PTPMT1: variants seen among roughly 807,000 people sequenced by gnomAD.
The protein encoded by PTPMT1 is protein tyrosine phosphatase mitochondrial 1, also known as phosphatidylglycerophosphatase and protein-tyrosine phosphatase 1.
In PTPMT1, 12 loss-of-function variants were observed where a neutral mutation model predicts 17.8. The observed-to-expected ratio is 0.67, with a 90% confidence interval of 0.43 to 1.09. PTPMT1 has a LOEUF of 1.09. Among genes scored for constraint, PTPMT1 ranks in the 50% least tolerant of loss-of-function variants. The pLI is 0.00. For synonymous variants in PTPMT1, 132 were observed against 116.8 expected, an observed-to-expected ratio of 1.13 and a Z score of -0.84; for missense variants, 262 against 266.0, an observed-to-expected ratio of 0.99 and a Z score of 0.10.
Position 47,573,395 on chromosome 11 carries a change from T to C in PTPMT1, c.*1766T>C, listed in dbSNP as rs2097253295. 1 of 1,614,106 alleles carries C rather than the reference T, an allele frequency of 6.2e-7. No homozygotes were observed. The highest frequency in any genetic ancestry group is 1.7e-5 in the Admixed American group (1 of 60,006). On this transcript the variant is annotated 3_prime_UTR_variant, in exon 4 of 4. Coordinates refer to ENST00000326674, the MANE Select transcript of PTPMT1 (RefSeq NM_175732.3). This position sits in a 1 kb window ranked among gnomAD's most constrained non-coding sequence, Gnocchi z 4.1. The stretch of plus-strand genomic sequence containing the variant: ...CAGCAGCCCCTGACACAGCCACCTC[T>C]AGCTGAGTTGTCTCTGTCCACACAT...
At chr11:47,570,409 C>CT (rs1156358499) in intron 3 of PTPMT1, among the ~76,000 whole-genome samples, 3 of 152,064 alleles carry the variant, frequency 2.0e-5, no homozygotes, top group Non-Finnish European at 4.4e-5. Flanking sequence ...TGACTTCTGC[C>CT]TTATGCAACA....
rs772635290 is a variant in PTPMT1 at position 47,573,207 on chromosome 11, A to T, written c.*1578A>T. On this transcript the variant is annotated 3_prime_UTR_variant, in exon 4 of 4. Transcript: ENST00000326674. The surrounding 1 kb of genome is among the most constrained non-coding windows in gnomAD (Gnocchi z 4.1). ...CACGATGAACACCAGATCTTTATGC[A>T]CAGCTGCGTGCATGCGGCCTGCAAA... 1.2e-6 allele frequency: 2 copies of T among 1,614,188 alleles called. No individual in the cohort carries two copies. The highest frequency in any genetic ancestry group is 1.7e-6 in the Non-Finnish European group (2 of 1,180,030).
Position 47,569,804 on chromosome 11 carries a change from G to A in PTPMT1, c.360G>A (p.Lys120=). Residue 120 remains lysine, a synonymous_variant, in exon 3 of 4, where the codon AAG becomes AAA. Coordinates refer to ENST00000326674, the MANE Select transcript of PTPMT1 (RefSeq NM_175732.3). ...AGAAGGGAGTCCAATTTGCTCTCAA[G>A]TACCAGTCGCTGGGCCAGTGTGTTT... ...NLQKGVQFAL[K]YQSLGQCVYV... 6.2e-7 allele frequency: 1 copy of A among 1,614,136 alleles called. No homozygotes were observed.
Position 47,571,703 on chromosome 11 carries a change from G to T in PTPMT1, c.*74G>T. On this transcript the variant is annotated 3_prime_UTR_variant, in exon 4 of 4. Transcript: ENST00000326674. ...AAAAAGAGCTTAACAGGACCAACAGGGCTTAAGCCCAGACTTGACGTAACA... is the reference window on the plus strand; with the variant it reads ...AAAAAGAGCTTAACAGGACCAACAGTGCTTAAGCCCAGACTTGACGTAACA... The T allele has an allele frequency of 7.1e-7, 1 of 1,409,078 alleles. No individual in the cohort carries two copies. The highest frequency in any genetic ancestry group is 9.8e-7 in the Non-Finnish European group (1 of 1,020,110). 87.3% of individuals were successfully genotyped at this position (1,409,078 alleles called of 1,614,324 possible).
In PTPMT1 at chr11:47,573,224, G is replaced by A; in HGVS notation, c.*1595G>A. ...CTTTATGCACAGCTGCGTGCATGCGGCCTGCAAAGGGCAGCACATAGGGCT... is the reference window on the plus strand; with the variant it reads ...CTTTATGCACAGCTGCGTGCATGCGACCTGCAAAGGGCAGCACATAGGGCT... On this transcript the variant is annotated 3_prime_UTR_variant, in exon 4 of 4. Coordinates refer to ENST00000326674, the MANE Select transcript of PTPMT1 (RefSeq NM_175732.3). This position sits in a 1 kb window ranked among gnomAD's most constrained non-coding sequence, Gnocchi z 4.1. 6.2e-7 allele frequency: 1 copy of A among 1,614,140 alleles called. No individual in the cohort carries two copies.
Position 47,568,162 on chromosome 11 carries a change from C to T in PTPMT1, c.256-1538C>T, listed in dbSNP as rs537774766. Among the ~76,000 whole-genome samples, 10 of 151,962 alleles carry T rather than the reference C, an allele frequency of 6.6e-5. No individual in the cohort carries two copies. The South Asian group carries it at 2.1e-3, about 32-fold the overall frequency. ...GTCTAAATCTCCTGACCTCGTGATC[C>T]GCCCGCCTTGGCCTCCCAAAGTGCT... On this transcript the variant is annotated intron_variant, in intron 2 of 3. Transcript: ENST00000326674.
rs2097244328 is a variant in PTPMT1, at chr11:47,566,355, C to T, written c.255+369C>T. The stretch of plus-strand genomic sequence containing the variant: ...AAAAGTAGCCGGGAGTGGTGGCGTG[C>T]GCCTGTACTCCCAGCTACTTGGGAG... On this transcript the variant is annotated intron_variant, in intron 2 of 3. Coordinates refer to ENST00000326674, the MANE Select transcript of PTPMT1 (RefSeq NM_175732.3). 2.0e-5 allele frequency among the ~76,000 whole-genome samples: 3 copies of T among 151,950 alleles called. No individual in the cohort carries two copies. In the South Asian group the frequency reaches 6.3e-4, roughly 32 times the overall value.
chr11:47,569,826 G>C lies in PTPMT1; in HGVS notation c.382G>C (p.Val128Leu), dbSNP rs778443548. The change falls in exon 3 of 4, where the codon GTT becomes CTT. Residue 128 changes from valine (V) to leucine (L), a missense_variant. Transcript: ENST00000326674. ...ALKYQSLGQC[V>L]YVHCKAGRSR... The stretch of plus-strand genomic sequence containing the variant: ...CAAGTACCAGTCGCTGGGCCAGTGT[G>C]TTTACGTGCATTGTAAGGCTGGGCG... 5.6e-6 allele frequency: 9 copies of C among 1,613,976 alleles called. No individual in the cohort carries two copies. The South Asian group carries it at 9.9e-5, about 18-fold the overall frequency.
rs748459776 is a variant in PTPMT1 at position 47,573,334 on chromosome 11, C to A, written c.*1705C>A. The A allele has an allele frequency of 1.2e-6, 2 of 1,614,236 alleles. No homozygotes were observed. The highest frequency in any genetic ancestry group is 1.7e-6 in the Non-Finnish European group (2 of 1,180,044). On this transcript the variant is annotated 3_prime_UTR_variant, in exon 4 of 4. Coordinates refer to ENST00000326674, the MANE Select transcript of PTPMT1 (RefSeq NM_175732.3). The surrounding 1 kb of genome is among the most constrained non-coding windows in gnomAD (Gnocchi z 4.1). ...AAGAAGTCCAGATCATTCTCCTCCCCCCCTAGTAAGTAGATGATCCCGTTG... is the reference window on the plus strand; with the variant it reads ...AAGAAGTCCAGATCATTCTCCTCCCACCCTAGTAAGTAGATGATCCCGTTG...
chr11:47,565,851 G>C (rs754998292), intron 1 of PTPMT1, 55 bp downstream of exon 1: 15 of 1,607,444 alleles, frequency 9.3e-6, no homozygotes, highest in Non-Finnish European at 1.2e-5. Flanking sequence ...CTCCGTCCCT[G>C]TCGGGCCGCT....
chr11:47,571,539 G>A lies in PTPMT1; in HGVS notation c.516G>A (p.Arg172=), dbSNP rs780466841. 2 of 1,613,834 alleles carry A rather than the reference G, an allele frequency of 1.2e-6. No homozygotes were observed. The highest frequency in any genetic ancestry group is 1.7e-6 in the Non-Finnish European group (2 of 1,179,990). ...AGATCCGGTCATACATCCACATCAG[G>A]CCTGGCCAGCTGGATGTTCTTAAAG... ...IAKIRSYIHI[R]PGQLDVLKEF... is the part of the protein sequence containing the mutation. Residue 172 remains arginine (R), a synonymous_variant, in exon 4 of 4, where the codon AGG becomes AGA. Coordinates refer to ENST00000326674, the MANE Select transcript of PTPMT1 (RefSeq NM_175732.3).
In PTPMT1 at chr11:47,569,793, T is replaced by A; in HGVS notation, c.349T>A (p.Phe117Ile). ...TLDNLQKGVQFALKYQSLGQC... is the reference protein window; with the variant it reads ...TLDNLQKGVQIALKYQSLGQC... ...GGACAACCTCCAGAAGGGAGTCCAA[T>A]TTGCTCTCAAGTACCAGTCGCTGGG... The change falls in exon 3 of 4, where the codon TTT (phenylalanine) becomes ATT (isoleucine). Residue 117 changes from phenylalanine to isoleucine, a missense_variant. Phe to Ile is a conservative substitution (Grantham distance 21). Coordinates refer to ENST00000326674, the MANE Select transcript of PTPMT1 (RefSeq NM_175732.3). The A allele has an allele frequency of 6.2e-7, 1 of 1,614,024 alleles. No homozygotes were observed. Among genetic ancestry groups the A allele is most frequent in the Non-Finnish European group, 8.5e-7 (1 of 1,179,978 alleles).
At position 47,573,018 on chromosome 11, in the gene PTPMT1, G is replaced by C. The variant is rs753402225; in HGVS notation, c.*1389G>C. On this transcript the variant is annotated 3_prime_UTR_variant, in exon 4 of 4. Coordinates refer to ENST00000326674, the MANE Select transcript of PTPMT1 (RefSeq NM_175732.3). The surrounding 1 kb of genome is among the most constrained non-coding windows in gnomAD (Gnocchi z 4.1). Reference sequence around the variant, plus strand: ...TGAAGTGGCAGGGTCAAGCTTGTAGGTGTTGGCATCCCCCTTTTTATATCG... The same window carrying C: ...TGAAGTGGCAGGGTCAAGCTTGTAGCTGTTGGCATCCCCCTTTTTATATCG... 1.9e-6 allele frequency: 3 copies of C among 1,614,178 alleles called. No individual in the cohort carries two copies. Among genetic ancestry groups the C allele is most frequent in the Non-Finnish European group, 2.5e-6 (3 of 1,180,032 alleles).
intron 2 of PTPMT1, among the ~76,000 whole-genome samples, chr11:47,569,386 TAAAAAAAA>T (rs55868744): frequency 7.1e-5 from 8 of 112,778 alleles, no homozygotes; most frequent in Admixed American, 5.8e-4. Flanking sequence ...ACTCTGTCTT[TAAAAAAAA>T]AAAAAAAAAA....
intron 2 of PTPMT1, among the ~76,000 whole-genome samples, chr11:47,568,220 C>T (rs973779070): frequency 1.3e-5 from 2 of 151,938 alleles, no homozygotes; most frequent in East Asian, 1.9e-4. Flanking sequence ...ATGCCCGGCC[C>T]ATTGTTTTAA....
chr11:47,570,004 G>A, intron 3 of PTPMT1, 113 bp downstream of exon 3: 1 of 791,178 alleles, frequency 1.3e-6, no homozygotes, highest in Non-Finnish European at 2.0e-6. Flanking sequence ...ACCAGCCTGG[G>A]CAACATGGCA....
intron 1 of PTPMT1, 48 bp downstream of exon 1, chr11:47,565,844 C>A (rs766030372): frequency 6.2e-7 from 1 of 1,604,840 alleles, no homozygotes; most frequent in South Asian, 1.1e-5. Flanking sequence ...CCCGCCGCTC[C>A]GTCCCTGTCG....
chr11:47,566,111 C>T, intron 2 of PTPMT1, 125 bp downstream of exon 2: 1 of 1,094,176 alleles, frequency 9.1e-7, no homozygotes, highest in East Asian at 2.9e-5. Context: ...TCTCAAGCTG[C>T]TTTGCCTCCG....
chr11:47,566,319 A>C (rs2097244218), intron 2 of PTPMT1, among the ~76,000 whole-genome samples: 1 of 151,950 alleles, frequency 6.6e-6, no homozygotes, highest in South Asian at 2.1e-4. Context: ...CCCCGTCCCT[A>C]CAAAAATACA....
Sources: gnomAD v4.1 joint callset for allele counts (sites outside exome capture counted in the v4.1 genomes callset) on GRCh38, gnomAD v4.1.1 for gene constraint, Gnocchi (gnomAD v3.1) non-coding constraint, MANE v1.5 for transcripts, NCBI Gene and HGNC (gene_info 2026-07-23, HGNC 2026-07-21) for gene names.